The following CDC42SE2 variants were observed in gnomAD, a reference collection of about 807,000 sequenced individuals.
CDC42SE2 encodes the protein CDC42 small effector protein 2.
In CDC42SE2, 3 loss-of-function variants were observed where a neutral mutation model predicts 11.5. The ratio of observed to expected loss-of-function variants is 0.26; its 90% CI spans 0.12 to 0.67. The LOEUF (loss-of-function observed/expected upper bound fraction) is 0.67, where lower values mean the gene tolerates loss of function less well. Among genes scored for constraint, CDC42SE2 ranks in the 30% least tolerant of loss-of-function variants. CDC42SE2 has a pLI of 0.80. For missense variants in CDC42SE2, 82 were observed against 106.8 expected (o/e 0.77, Z 1.02); for synonymous variants, 33 against 34.8 (o/e 0.95, Z 0.18).
chr5:131,314,101 A>T (rs1757989056), intron 1 of CDC42SE2, among the ~76,000 whole-genome samples: 2 of 152,232 alleles, frequency 1.3e-5, no homozygotes, highest in African/African-American at 4.8e-5. Context: ...GAGAATTGAC[A>T]TGTTAACATC....
intron 3 of CDC42SE2, among the ~76,000 whole-genome samples, chr5:131,361,055 C>T (rs1262089101): frequency 2.1e-5 from 3 of 143,282 alleles, no homozygotes; most frequent in African/African-American, 7.7e-5. Flanking sequence ...ATATGTAAAT[C>T]TTAGAGTTTG....
intron 1 of CDC42SE2, among the ~76,000 whole-genome samples, chr5:131,273,689 T>C (rs889045735): frequency 8.0e-5 from 12 of 149,756 alleles, no homozygotes; most frequent in Non-Finnish European, 3.0e-5. Context: ...AGGAGAATGG[T>C]GTGAACCCAG....
At chr5:131,384,034 T>TAACA (rs1236540904) in intron 3 of CDC42SE2, among the ~76,000 whole-genome samples, 3 of 152,180 alleles carry the variant, frequency 2.0e-5, no homozygotes, top group African/African-American at 7.2e-5. Context: ...ATCAAGGAAC[T>TAACA]AACAGAATAA....
intron 3 of CDC42SE2, among the ~76,000 whole-genome samples, chr5:131,378,076 T>C (rs1430596501): frequency 6.6e-6 from 1 of 152,206 alleles, no homozygotes; most frequent in African/African-American, 2.4e-5. Flanking sequence ...ATGTTTTAAG[T>C]ACTATAATTG....
intron 1 of CDC42SE2, among the ~76,000 whole-genome samples, chr5:131,297,957 G>A (rs763001909): frequency 1.3e-5 from 2 of 151,760 alleles, no homozygotes; most frequent in Admixed American, 6.6e-5. Flanking sequence ...GTTAATACAC[G>A]AAAACGTAAT....
chr5:131,306,110 C>G (rs1040676473), intron 1 of CDC42SE2, among the ~76,000 whole-genome samples: 1 of 152,132 alleles, frequency 6.6e-6, no homozygotes, highest in Non-Finnish European at 1.5e-5. Flanking sequence ...ACAATTCTTA[C>G]GTTTTAAATT....
intron 2 of CDC42SE2, among the ~76,000 whole-genome samples, chr5:131,356,017 A>C (rs756539052): frequency 6.6e-6 from 1 of 152,226 alleles, no homozygotes; most frequent in African/African-American, 2.4e-5. Flanking sequence ...TCACTAGCTA[A>C]GTCGCCTTGG....
chr5:131,245,299 T>A (rs751929209), upstream of CDC42SE2, among the ~76,000 whole-genome samples: 6 of 152,206 alleles, frequency 3.9e-5, no homozygotes, highest in Non-Finnish European at 7.4e-5. Flanking sequence ...TCAGTCACCA[T>A]AATTGATACT....
chr5:131,339,843 A>G (rs1026412221), intron 2 of CDC42SE2, among the ~76,000 whole-genome samples: 3 of 152,000 alleles, frequency 2.0e-5, no homozygotes, highest in African/African-American at 7.2e-5. Flanking sequence ...AATTATGATC[A>G]TTGAACTAAA....
chr5:131,347,518 A>C (rs980941182), intron 2 of CDC42SE2, among the ~76,000 whole-genome samples: 1 of 152,166 alleles, frequency 6.6e-6, no homozygotes, highest in African/African-American at 2.4e-5. Flanking sequence ...TAGCCTACCA[A>C]CCAAAAAAAG....
intron 1 of CDC42SE2, among the ~76,000 whole-genome samples, chr5:131,278,706 T>C (rs1757157426): frequency 3.5e-5 from 3 of 85,616 alleles, no homozygotes; most frequent in Admixed American, 1.3e-4. Flanking sequence ...GTTCCTTTCC[T>C]TTCCTCTCCC....
At chr5:131,250,728 T>G (rs1756632520) in intron 1 of CDC42SE2, among the ~76,000 whole-genome samples, 1 of 152,160 alleles carries the variant, frequency 6.6e-6, no homozygotes, top group Non-Finnish European at 1.5e-5. Flanking sequence ...ATGTAAAAAC[T>G]ATGAACTTTA....
chr5:131,269,135 A>C (rs138588087), intron 1 of CDC42SE2, among the ~76,000 whole-genome samples: 36 of 152,264 alleles, frequency 2.4e-4, no homozygotes, highest in African/African-American at 8.7e-4. Flanking sequence ...CTATAATACT[A>C]ACAAATAATG....
At chr5:131,309,429 C>T (rs1001448304) in intron 1 of CDC42SE2, among the ~76,000 whole-genome samples, 40 of 152,176 alleles carry the variant, frequency 2.6e-4, no homozygotes, top group South Asian at 2.5e-3. Flanking sequence ...TGTCTCTGCG[C>T]GGCGTTGGTA....
chr5:131,336,415 A>G (rs959436254), intron 2 of CDC42SE2, among the ~76,000 whole-genome samples: 2 of 151,900 alleles, frequency 1.3e-5, no homozygotes, highest in African/African-American at 2.4e-5. Context: ...TTTTTCCTTC[A>G]TTTCAACTTT....
At chr5:131,390,109 T>C (rs1375869215) in intron 4 of CDC42SE2, among the ~76,000 whole-genome samples, 3 of 152,222 alleles carry the variant, frequency 2.0e-5, no homozygotes, top group South Asian at 2.1e-4. Context: ...ATCTTAACCC[T>C]TTTACAGATA....
intron 2 of CDC42SE2, among the ~76,000 whole-genome samples, chr5:131,348,382 C>G (rs1463639458): frequency 6.6e-6 from 1 of 152,086 alleles, no homozygotes; most frequent in African/African-American, 2.4e-5. Flanking sequence ...GAGTGAACTC[C>G]CATTCACACT....
rs1386236545 is a variant in CDC42SE2 at position 131,392,461 on chromosome 5, C to T, written c.*1370C>T. 2 of 152,644 alleles carry T rather than the reference C, an allele frequency of 1.3e-5. No individual in the cohort carries two copies. The highest frequency in any genetic ancestry group is 4.8e-5 in the African/African-American group (2 of 41,454). 9.5% of individuals were successfully genotyped at this position (152,644 alleles called of 1,614,324 possible). On this transcript the variant is annotated 3_prime_UTR_variant, in exon 5 of 5. Transcript: ENST00000505065. ...AAAGTTTAGCTGTGGCACCAAGTCA[C>T]ATCATTTTCATAGAAAAAGATTACT... is the stretch of plus-strand genomic sequence containing the variant.
chr5:131,264,321 G>A (rs1160130916), intron 1 of CDC42SE2, among the ~76,000 whole-genome samples, 155 bp downstream of exon 1: 1 of 152,168 alleles, frequency 6.6e-6, no homozygotes, highest in African/African-American at 2.4e-5. Flanking sequence ...GCTGTGGGCT[G>A]AGCCTGCGTC....
Sources: allele counts gnomAD v4.1 joint callset (sites outside exome capture counted in the v4.1 genomes callset), GRCh38; gene constraint gnomAD v4.1.1; transcripts MANE v1.5; gene names NCBI Gene and HGNC (gene_info 2026-07-23, HGNC 2026-07-21).